The following ZNF532 variants were observed in gnomAD, a reference collection of about 807,000 sequenced individuals.
ZNF532 encodes zinc finger protein 532.
A neutral mutation model predicts 89.3 loss-of-function variants in ZNF532; 22 were observed. That is an observed-to-expected ratio of 0.25 (90% CI 0.18 to 0.35). ZNF532 has a LOEUF of 0.35. Among genes scored for constraint, ZNF532 ranks in the 10% least tolerant of loss-of-function variants. The pLI is 1.00. For synonymous variants in ZNF532, 606 were observed against 649.6 expected (o/e 0.93, Z 1.02); for missense variants, 1,132 against 1,643.4 (o/e 0.69, Z 5.38).
At chr18:58,887,940 A>G (rs2058420907) in intron 2 of ZNF532, among the ~76,000 whole-genome samples, 1 of 152,228 alleles carries the variant, frequency 6.6e-6, no homozygotes. Flanking sequence ...GCGGAATTAA[A>G]GGAGCCCTCC....
At chr18:58,870,072 GTTTTTTTTTTTT>G (rs764095848) in intron 2 of ZNF532, among the ~76,000 whole-genome samples, 1 of 112,790 alleles carries the variant, frequency 8.9e-6, no homozygotes, top group African/African-American at 3.3e-5. Context: ...AGCCCAGGTT[GTTTTTTTTTTTT>G]TTTTTTTTTT....
intron 2 of ZNF532, among the ~76,000 whole-genome samples, chr18:58,874,115 G>A (rs1290187424): frequency 6.6e-6 from 1 of 151,950 alleles, no homozygotes; most frequent in Non-Finnish European, 1.5e-5. Flanking sequence ...TTCTTGGAGG[G>A]TATTGTCTCC....
intron 7 of ZNF532, 42 bp downstream of exon 7, chr18:58,953,841 G>A (rs1256326311): frequency 3.2e-6 from 5 of 1,574,294 alleles, no homozygotes; most frequent in South Asian, 1.2e-5. Context: ...GTGCAAGAGA[G>A]GGCACTGGAC....
rs1427599104 is a variant in ZNF532, at chr18:58,920,244, C to G, written c.1957C>G (p.Leu653Val). The G allele has an allele frequency of 1.9e-6, 3 of 1,613,832 alleles. No individual in the cohort carries two copies. Among genetic ancestry groups the G allele is most frequent in the South Asian group, 2.2e-5 (2 of 91,080 alleles). Residue 653 changes from leucine (L) to valine (V), a missense_variant, in exon 3 of 10, where the codon CTC (leucine) becomes GTC (valine). By Grantham distance (32) the Leu-to-Val change is conservative. Transcript: ENST00000591808. ...AACGTGCAACCATTGTACAAAGAAC[C>G]TCGTTTTTTACAACAAATGCAGCCT... ...EVTCNHCTKN[L>V]VFYNKCSLLS...
chr18:58,873,645 G>A (rs574394931), intron 2 of ZNF532, among the ~76,000 whole-genome samples: 2 of 151,894 alleles, frequency 1.3e-5, no homozygotes, highest in South Asian at 2.1e-4. Context: ...GTAGAGACGG[G>A]GTAACACCAT....
chr18:58,984,545 T>C lies in ZNF532; in HGVS notation c.*79T>C. 1 of 1,507,200 alleles carries C rather than the reference T, an allele frequency of 6.6e-7. No individual in the cohort carries two copies. Among genetic ancestry groups the C allele is most frequent in the Non-Finnish European group, 8.9e-7 (1 of 1,126,844 alleles). 93.4% of individuals were successfully genotyped at this position (1,507,200 alleles called of 1,614,324 possible). Reference sequence around the variant, plus strand: ...TTTTGTTACAAAGTTTGCAGTATAATAGAGTTAACAGTACTGTCTAGGCTG... The same window carrying C: ...TTTTGTTACAAAGTTTGCAGTATAACAGAGTTAACAGTACTGTCTAGGCTG... On this transcript the variant is annotated 3_prime_UTR_variant, in exon 10 of 10. Transcript: ENST00000591808.
At chr18:58,879,428 C>T (rs988568429) in intron 2 of ZNF532, among the ~76,000 whole-genome samples, 30 of 152,142 alleles carry the variant, frequency 2.0e-4, no homozygotes, top group Admixed American at 7.9e-4. Flanking sequence ...GAGGGAGTCT[C>T]GCTCTGTTGC....
At chr18:58,896,360 C>G (rs187902765) in intron 2 of ZNF532, 2 of 152,232 alleles carry the variant, frequency 1.3e-5, no homozygotes, top group East Asian at 3.9e-4. Flanking sequence ...ACTCTCCCTT[C>G]TCACCTTCCT....
At chr18:58,924,712 T>C (rs1032533525) in intron 3 of ZNF532, among the ~76,000 whole-genome samples, 1 of 152,202 alleles carries the variant, frequency 6.6e-6, no homozygotes, top group Non-Finnish European at 1.5e-5. Context: ...GACATGAGCG[T>C]TGACTCAGTC....
intron 4 of ZNF532, among the ~76,000 whole-genome samples, chr18:58,934,958 A>G (rs2062252924): frequency 6.6e-6 from 1 of 152,118 alleles, no homozygotes; most frequent in Non-Finnish European, 1.5e-5. Flanking sequence ...AAAACTATAC[A>G]TTCCGCACCT....
chr18:58,874,125 C>T (rs766683084), intron 2 of ZNF532, among the ~76,000 whole-genome samples: 1 of 151,976 alleles, frequency 6.6e-6, no homozygotes, highest in Non-Finnish European at 1.5e-5. Context: ...GTATTGTCTC[C>T]TGTCCTGCCT....
chr18:58,920,429 C>G lies in ZNF532; in HGVS notation c.2142C>G (p.His714Gln), dbSNP rs553792737. The G allele has an allele frequency of 6.2e-7, 1 of 1,613,956 alleles. No individual in the cohort carries two copies. Among genetic ancestry groups the G allele is most frequent in the East Asian group, 2.2e-5 (1 of 44,884 alleles). ...AGAGCCCTGTGGGAGCTGGCACACA[C>G]ACTGTCACAAAAATTCAGTCTGGCA... is the stretch of plus-strand genomic sequence containing the variant. Reference protein sequence around the residue: ...TLQSPVGAGTHTVTKIQSGIT... With the variant: ...TLQSPVGAGTQTVTKIQSGIT... Residue 714 changes from histidine to glutamine, a missense_variant, in exon 3 of 10, where the codon CAC becomes CAG. Physicochemically the swap from His to Gln is conservative, Grantham distance 24. Around this residue, in one of 9 missense-constraint regions of ZNF532, gnomAD observed 100 missense variants for 122.0 expected, o/e 0.82. Transcript: ENST00000591808.
Position 58,948,196 on chromosome 18 carries a change from T to C in ZNF532, c.2835T>C (p.Tyr945=). 1 of 1,613,488 alleles carries C rather than the reference T, an allele frequency of 6.2e-7. No individual in the cohort carries two copies. The highest frequency in any genetic ancestry group is 1.3e-5 in the African/African-American group (1 of 75,020). Residue 945 remains tyrosine, a synonymous_variant, in exon 6 of 10, where the codon TAT becomes TAC. Transcript: ENST00000591808. ...VFKCPDCSLL[Y]AQKQLMMDHI... is the part of the protein sequence containing the mutation. ...AGTGTCCAGACTGTTCTCTTTTATA[T>C]GCACAGAAGCAACTTATGATGGACC...
intron 3 of ZNF532, among the ~76,000 whole-genome samples, chr18:58,929,779 C>T (rs189874151): frequency 2.0e-5 from 3 of 152,244 alleles, no homozygotes; most frequent in Admixed American, 2.0e-4. Context: ...GCATATAAAG[C>T]CATTTCTGCT....
chr18:58,890,086 G>GA (rs547079067), intron 2 of ZNF532, among the ~76,000 whole-genome samples: 31 of 136,622 alleles, frequency 2.3e-4, no homozygotes, highest in Admixed American at 5.1e-4. Context: ...GTTTAAAAAA[G>GA]AAAAAAAAAA....
At chr18:58,974,124 G>GT (rs918754058) in intron 7 of ZNF532, among the ~76,000 whole-genome samples, 6 of 151,634 alleles carry the variant, frequency 4.0e-5, no homozygotes, top group Admixed American at 2.6e-4. Flanking sequence ...AATAAGCTCA[G>GT]TTTTTTTTGC....
chr18:58,888,760 T>TATATATAATTTATATATATATAA (rs2058555176), intron 2 of ZNF532, among the ~76,000 whole-genome samples: 1 of 6,570 alleles, frequency 1.5e-4, no homozygotes, highest in Non-Finnish European at 2.6e-4. Flanking sequence ...TATATAAAAT[T>TATATATAATTTATATATATATAA]AATATATATA....
Position 58,919,962 on chromosome 18 carries a change from G to A in ZNF532, c.1675G>A (p.Ala559Thr), listed in dbSNP as rs1423368251. The change falls in exon 3 of 10, where the codon GCA becomes ACA. Residue 559 changes from alanine to threonine, a missense_variant. Transcript: ENST00000591808. This position sits in a 1 kb window ranked among gnomAD's most constrained non-coding sequence, Gnocchi z 6.1. ...QQIKQAIINA[A>T]ASQPPKKVSR... ...AATAAAGCAGGCAATAATCAATGCA[G>A]CAGCCTCGCAACCCCCCAAAAAGGT... 1.2e-6 allele frequency: 2 copies of A among 1,613,802 alleles called. No homozygotes were observed. Among genetic ancestry groups the A allele is most frequent in the Non-Finnish European group, 1.7e-6 (2 of 1,179,802 alleles).
intron 3 of ZNF532, among the ~76,000 whole-genome samples, chr18:58,930,197 C>T (rs1241824356): frequency 6.6e-6 from 1 of 152,208 alleles, no homozygotes; most frequent in African/African-American, 2.4e-5. Flanking sequence ...GCTAATTCCT[C>T]ATCTATAGAA....
Sources: gnomAD v4.1 joint callset for allele counts (sites outside exome capture counted in the v4.1 genomes callset) on GRCh38, gnomAD v4.1.1 for gene constraint, gnomAD v4.1.1 regional missense constraint, Gnocchi (gnomAD v3.1) non-coding constraint, MANE v1.5 for transcripts, NCBI Gene and HGNC (gene_info 2026-07-23, HGNC 2026-07-21) for gene names.